DHX8: variants seen among roughly 807,000 people sequenced by gnomAD.
DHX8 encodes the protein DEAH-box helicase 8.
In DHX8, 67 loss-of-function variants were observed where a neutral mutation model predicts 140.7. The ratio of observed to expected loss-of-function variants is 0.48; its 90% CI spans 0.39 to 0.58. The LOEUF (loss-of-function observed/expected upper bound fraction) is 0.58, where lower values mean the gene tolerates loss of function less well. Ranked by LOEUF, DHX8 falls within the 20% of genes least tolerant of loss-of-function variation. DHX8 has a pLI of 0.00. For missense variants in DHX8, 887 were observed against 1,550.7 expected (o/e 0.57, Z 7.19); for synonymous variants, 533 against 553.2 (o/e 0.96, Z 0.51).
downstream of DHX8, chr17:43,529,616 C>G: frequency 6.2e-7 from 1 of 1,614,110 alleles, no homozygotes; most frequent in Non-Finnish European, 8.5e-7. Flanking sequence ...CTGCAGGGCA[C>G]CCCGGCGCTG....
intron 10 of DHX8, 81 bp from the exon 11 acceptor site, chr17:43,499,875 G>A: frequency 1.3e-6 from 2 of 1,486,150 alleles, no homozygotes; most frequent in East Asian, 4.5e-5. Context: ...GTAGTCTCAT[G>A]TTTTAGATTA....
In DHX8 at chr17:43,493,901, T is replaced by C; in HGVS notation, c.1212+15T>C. 1 of 1,613,908 alleles carries C rather than the reference T, an allele frequency of 6.2e-7. No individual in the cohort carries two copies. Among genetic ancestry groups the C allele is most frequent in the Non-Finnish European group, 8.5e-7 (1 of 1,179,852 alleles). ...AGATCAAACAGGTTGGGGCCTTTAG[T>C]TTTCATGACCAGATAGTCATTCAGC... On this transcript the variant is annotated intron_variant, in intron 8 of 22. Coordinates refer to ENST00000262415, the MANE Select transcript of DHX8 (RefSeq NM_004941.3).
chr17:43,494,836 G>C (rs1428024276), intron 8 of DHX8, among the ~76,000 whole-genome samples: 5 of 147,328 alleles, frequency 3.4e-5, no homozygotes, highest in Non-Finnish European at 7.5e-5. Context: ...AATTGAGACG[G>C]AGTCTCGCTC....
intron 17 of DHX8, among the ~76,000 whole-genome samples, chr17:43,515,322 G>T (rs1353305154): frequency 6.6e-6 from 1 of 152,166 alleles, no homozygotes. Flanking sequence ...CCAAGTAGCT[G>T]GGACTACAGG....
chr17:43,520,693 G>T, intron 19 of DHX8, 58 bp from the exon 20 acceptor site: 2 of 1,610,490 alleles, frequency 1.2e-6, no homozygotes, highest in Non-Finnish European at 1.7e-6. Flanking sequence ...TCTTGCTCTG[G>T]TGAATCCAAA....
At chr17:43,509,492 T>G (rs183053166) in intron 16 of DHX8, among the ~76,000 whole-genome samples, 62 of 151,832 alleles carry the variant, frequency 4.1e-4, no homozygotes, top group Admixed American at 3.6e-3. Flanking sequence ...TTATTTTTTT[T>G]TTTTTTTTTG....
At chr17:43,485,511 A>T (rs1016216694) in intron 1 of DHX8, among the ~76,000 whole-genome samples, 9 of 151,958 alleles carry the variant, frequency 5.9e-5, no homozygotes, top group Admixed American at 1.3e-4. Context: ...TTCCCGCAGG[A>T]TTCTTCTCTT....
rs73987516 is a variant in DHX8 at position 43,525,400 on chromosome 17, C to T, written c.*1553C>T. ...CCCTAAAGACAATTCAGAAAGAGTC[C>T]GAGGGAGAGGAATATAGGCCAGGCA... is the stretch of plus-strand genomic sequence containing the variant. On this transcript the variant is annotated 3_prime_UTR_variant, in exon 23 of 23. Coordinates refer to ENST00000262415, the MANE Select transcript of DHX8 (RefSeq NM_004941.3). 6,114 of 981,056 alleles carry T rather than the reference C, an allele frequency of 6.2e-3. 265 individuals carry two copies. In the African/African-American group the frequency reaches 0.093, roughly 15 times the overall value. 60.8% of individuals were successfully genotyped at this position (981,056 alleles called of 1,614,324 possible).
chr17:43,505,754 A>G (rs1234106006), intron 12 of DHX8, among the ~76,000 whole-genome samples: 1 of 152,098 alleles, frequency 6.6e-6, no homozygotes, highest in African/African-American at 2.4e-5. Context: ...CAACTCATAG[A>G]GTGCTTCGGT....
intron 2 of DHX8, chr17:43,533,333 G>T (rs772038899): frequency 3.5e-5 from 56 of 1,612,790 alleles, no homozygotes; most frequent in Non-Finnish European, 4.5e-5. Context: ...CGATTTGTCT[G>T]GGGGGGTCAT....
intron 3 of DHX8, among the ~76,000 whole-genome samples, chr17:43,542,483 A>G (rs779861457): frequency 7.9e-5 from 12 of 152,224 alleles, no homozygotes; most frequent in Middle Eastern, 3.4e-3. Flanking sequence ...CCATAGCCAG[A>G]CACATATTGG....
chr17:43,484,100 A>G lies in DHX8; in HGVS notation c.63A>G (p.Glu21=), dbSNP rs757157533. The change falls in exon 1 of 23, where the codon GAA becomes GAG. Residue 21 remains glutamate, a synonymous_variant. Transcript: ENST00000262415. ...GGTCGGAGCCAGGCCCCGCGGAAGAACTTGCCAAACTCGAGTACCTGTCTT... is the reference window on the plus strand; with the variant it reads ...GGTCGGAGCCAGGCCCCGCGGAAGAGCTTGCCAAACTCGAGTACCTGTCTT... ...LIGSEPGPAE[E]LAKLEYLSLV... is the part of the protein sequence containing the mutation. 5 of 1,614,166 alleles carry G rather than the reference A, an allele frequency of 3.1e-6. No individual in the cohort carries two copies. Among genetic ancestry groups the G allele is most frequent in the Middle Eastern group, 1.6e-4 (1 of 6,062 alleles).
At chr17:43,541,754 C>T (rs1403686951) in intron 3 of DHX8, among the ~76,000 whole-genome samples, 1 of 152,132 alleles carries the variant, frequency 6.6e-6, no homozygotes, top group African/African-American at 2.4e-5. Flanking sequence ...CCTTACCCTG[C>T]CCCCACCCTG....
chr17:43,509,195 C>T (rs757959954), intron 16 of DHX8, among the ~76,000 whole-genome samples: 3 of 152,148 alleles, frequency 2.0e-5, no homozygotes, highest in Non-Finnish European at 4.4e-5. Context: ...GGCGGGAGCA[C>T]CCAACCCTGT....
At chr17:43,485,935 G>A (rs113655307) in intron 1 of DHX8, among the ~76,000 whole-genome samples, 286 of 152,230 alleles carry the variant, frequency 1.9e-3, no homozygotes, top group African/African-American at 6.3e-3. Context: ...GGTGGCTCAC[G>A]CCTGTAATCC....
intron 2 of DHX8, chr17:43,536,327 T>G: frequency 9.2e-7 from 1 of 1,083,794 alleles, no homozygotes; most frequent in Non-Finnish European, 1.4e-6. Context: ...CACTGTGTTT[T>G]AGGAGAGAAC....
chr17:43,497,030 A>G (rs1397240843), intron 9 of DHX8, among the ~76,000 whole-genome samples: 1 of 152,108 alleles, frequency 6.6e-6, no homozygotes, highest in Non-Finnish European at 1.5e-5. Context: ...AAGAAGTAGA[A>G]TTTTACAAGC....
intron 6 of DHX8, 40 bp from the exon 7 acceptor site, chr17:43,493,405 A>G (rs770829567): frequency 5.0e-6 from 8 of 1,598,220 alleles, no homozygotes; most frequent in Admixed American, 1.7e-5. Context: ...GGGGAAAAAT[A>G]TTTTTTGGCA....
intron 9 of DHX8, 66 bp from the exon 10 acceptor site, chr17:43,498,796 T>G: frequency 1.5e-6 from 2 of 1,316,390 alleles, no homozygotes; most frequent in Non-Finnish European, 2.1e-6. Flanking sequence ...TGGAAATTAA[T>G]TGTCTTGGTG....
Sources: allele counts gnomAD v4.1 joint callset (sites outside exome capture counted in the v4.1 genomes callset), GRCh38; gene constraint gnomAD v4.1.1; transcripts MANE v1.5; gene names NCBI Gene and HGNC (gene_info 2026-07-23, HGNC 2026-07-21).